ADAM23: variants seen among roughly 807,000 people sequenced by gnomAD.
The protein encoded by ADAM23 is disintegrin and metalloproteinase domain-containing protein 23.
A neutral mutation model predicts 120.1 loss-of-function variants in ADAM23; 33 were observed. The observed-to-expected ratio is 0.27, with a 90% CI of 0.21 to 0.37. The LOEUF (loss-of-function observed/expected upper bound fraction) is 0.37. Ranked by LOEUF, ADAM23 falls within the 10% of genes least tolerant of loss-of-function variation. ADAM23 has a pLI of 1.00. For synonymous variants in ADAM23, 367 were observed against 375.2 expected (o/e 0.98, Z 0.25); for missense variants, 862 against 1,058.2 (o/e 0.81, Z 2.57).
chr2:206,600,313 A>G (rs1224047743), intron 24 of ADAM23, among the ~76,000 whole-genome samples: 1 of 151,340 alleles, frequency 6.6e-6, no homozygotes. Context: ...AATGCTTGCC[A>G]TTTATAATGG....
intron 25 of ADAM23, among the ~76,000 whole-genome samples, chr2:206,613,471 C>T (rs928573476): frequency 1.3e-5 from 2 of 152,178 alleles, no homozygotes; most frequent in South Asian, 2.1e-4. Context: ...CTGTGAAAAA[C>T]GAACATAGGC....
intron 9 of ADAM23, among the ~76,000 whole-genome samples, chr2:206,552,825 C>T (rs886549909): frequency 3.4e-5 from 4 of 117,270 alleles, no homozygotes; most frequent in South Asian, 2.9e-4. Context: ...CCATGCCTGG[C>T]TATTTTTTGT....
chr2:206,505,078 A>G (rs757276416), intron 3 of ADAM23, among the ~76,000 whole-genome samples: 5 of 152,194 alleles, frequency 3.3e-5, no homozygotes, highest in Non-Finnish European at 7.3e-5. Context: ...CAAGTGGCCT[A>G]TAGGGGAAGA....
chr2:206,596,592 A>T (rs1698531062), intron 24 of ADAM23, among the ~76,000 whole-genome samples: 1 of 152,184 alleles, frequency 6.6e-6, no homozygotes, highest in African/African-American at 2.4e-5. Context: ...GCTCTTTTTG[A>T]ACATTCTTTT....
At chr2:206,465,971 A>G (rs934932393) in intron 2 of ADAM23, among the ~76,000 whole-genome samples, 71 of 152,234 alleles carry the variant, frequency 4.7e-4, no homozygotes, top group African/African-American at 1.6e-3. Context: ...TCTGTGACTT[A>G]AAATGAGGTC....
intron 9 of ADAM23, among the ~76,000 whole-genome samples, chr2:206,554,867 C>G (rs1173178663): frequency 1.3e-5 from 2 of 152,090 alleles, no homozygotes; most frequent in African/African-American, 4.8e-5. Context: ...TTGTTCTGTC[C>G]TTGTCTTACT....
At chr2:206,546,147 G>T (rs62194498) in intron 6 of ADAM23, among the ~76,000 whole-genome samples, 2 of 152,050 alleles carry the variant, frequency 1.3e-5, no homozygotes, top group Non-Finnish European at 2.9e-5. Flanking sequence ...CCTTCTCTTT[G>T]CCTTCCTTCC....
At chr2:206,451,010 C>T (rs1182876145) in intron 2 of ADAM23, among the ~76,000 whole-genome samples, 3 of 152,184 alleles carry the variant, frequency 2.0e-5, no homozygotes, top group Non-Finnish European at 4.4e-5. Flanking sequence ...GAACAGAAGG[C>T]TGTAGGCATC....
intron 2 of ADAM23, among the ~76,000 whole-genome samples, chr2:206,472,694 AT>A (rs1327591454): frequency 6.6e-6 from 1 of 152,004 alleles, no homozygotes; most frequent in Non-Finnish European, 1.5e-5. Context: ...TTTAAAATTG[AT>A]TTATTTAGAA....
chr2:206,525,294 A>G (rs1696921293), intron 3 of ADAM23, among the ~76,000 whole-genome samples: 1 of 152,184 alleles, frequency 6.6e-6, no homozygotes, highest in Non-Finnish European at 1.5e-5. Context: ...CTAGTTAGAA[A>G]TAAACTGAGT....
chr2:206,616,020 T>C (rs184025302), intron 25 of ADAM23, among the ~76,000 whole-genome samples: 1 of 152,342 alleles, frequency 6.6e-6, no homozygotes, highest in East Asian at 1.9e-4. Flanking sequence ...AGTTTAACAT[T>C]TATCTTGAGT....
chr2:206,559,972 C>T lies in ADAM23; in HGVS notation c.1023C>T (p.Leu341=). The T allele has an allele frequency of 6.2e-7, 1 of 1,613,594 alleles. No homozygotes were observed. Among genetic ancestry groups the T allele is most frequent in the Non-Finnish European group, 8.5e-7 (1 of 1,179,782 alleles). The change falls in exon 11 of 26, where the codon CTC becomes CTT. Residue 341 remains leucine (L), a synonymous_variant. Coordinates refer to ENST00000264377, the MANE Select transcript of ADAM23 (RefSeq NM_003812.4). ...ACCCTCAGATTTACAAGGAGCAGCT[C>T]AACACCAGGGTTGTCCTGGTGGCTG... The part of the protein sequence containing the change: ...NLVDSIYKEQ[L]NTRVVLVAVE...
intron 1 of ADAM23, 152 bp downstream of exon 1, chr2:206,444,232 C>G: frequency 1.8e-6 from 1 of 559,460 alleles, no homozygotes; most frequent in Non-Finnish European, 2.7e-6. Flanking sequence ...CGTTCCCAAA[C>G]CCCCATTCAT....
intron 2 of ADAM23, among the ~76,000 whole-genome samples, chr2:206,454,191 C>T (rs904174840): frequency 1.3e-5 from 2 of 151,968 alleles, no homozygotes; most frequent in Admixed American, 6.6e-5. Flanking sequence ...TTCCACAGGT[C>T]GTACTGGAAG....
At chr2:206,476,266 T>A (rs1695773298) in intron 2 of ADAM23, among the ~76,000 whole-genome samples, 1 of 152,208 alleles carries the variant, frequency 6.6e-6, no homozygotes, top group Admixed American at 6.5e-5. Flanking sequence ...ATTACTTAAA[T>A]GAATATCTCC....
intron 13 of ADAM23, among the ~76,000 whole-genome samples, chr2:206,563,810 A>G (rs1008047002): frequency 2.0e-5 from 3 of 150,378 alleles, no homozygotes; most frequent in Non-Finnish European, 4.4e-5. Context: ...GCTCACTGCA[A>G]CCTCCACCTC....
intron 3 of ADAM23, among the ~76,000 whole-genome samples, chr2:206,513,281 G>A (rs1442749797): frequency 2.0e-5 from 3 of 152,154 alleles, no homozygotes; most frequent in Admixed American, 6.5e-5. Flanking sequence ...TGAATGCAAA[G>A]GAAAAGTTTC....
intron 3 of ADAM23, among the ~76,000 whole-genome samples, chr2:206,494,280 C>G (rs1696191397): frequency 6.6e-6 from 1 of 152,176 alleles, no homozygotes; most frequent in Non-Finnish European, 1.5e-5. Context: ...TAGAAACTTA[C>G]TAGTGTCTGA....
At chr2:206,582,457 A>G (rs1291845317) in intron 18 of ADAM23, among the ~76,000 whole-genome samples, 1 of 152,162 alleles carries the variant, frequency 6.6e-6, no homozygotes, top group Non-Finnish European at 1.5e-5. Context: ...AGTCTCCTGA[A>G]GGCAGCAGAT....
Sources: allele counts gnomAD v4.1 joint callset (sites outside exome capture counted in the v4.1 genomes callset), GRCh38; gene constraint gnomAD v4.1.1; transcripts MANE v1.5; gene names NCBI Gene and HGNC (gene_info 2026-07-23, HGNC 2026-07-21).